KCNMA1: variants seen among roughly 807,000 people sequenced by gnomAD.
KCNMA1 encodes the protein potassium calcium-activated channel subfamily M alpha 1.
A neutral mutation model predicts 140.0 loss-of-function variants in KCNMA1; 29 were observed. The ratio of observed to expected loss-of-function variants is 0.21; its 90% CI spans 0.15 to 0.28. KCNMA1 has a LOEUF of 0.28. Ranked by LOEUF, KCNMA1 falls within the 10% of genes least tolerant of loss-of-function variation. The probability of loss-of-function intolerance (pLI) is 1.00; values close to 1 mark genes in which losing one functional copy is unlikely to be tolerated. For synonymous variants in KCNMA1, 612 were observed against 611.9 expected (o/e 1.00, Z 0.00); for missense variants, 880 against 1,602.2 (o/e 0.55, Z 7.70).
chr10:77,296,793 G>A (rs1206312500), intron 2 of KCNMA1, among the ~76,000 whole-genome samples: 1 of 151,536 alleles, frequency 6.6e-6, no homozygotes, highest in Non-Finnish European at 1.5e-5. Context: ...TCTAGCATGT[G>A]TCTGTCTCAT....
chr10:77,326,943 TG>T lies in KCNMA1; in HGVS notation c.541-75688del, dbSNP rs573390555. On this transcript the variant is annotated intron_variant, in intron 2 of 27. Coordinates refer to ENST00000286628, the MANE Select transcript of KCNMA1 (RefSeq NM_001161352.2). ...AAAGTGAGCCTACACTCCATCCATA[TG>T]GGTCATCCCTCCCCAGTATACCTGG... Among the ~76,000 whole-genome samples, 312 of 152,230 alleles carry T rather than the reference TG, an allele frequency of 2.0e-3. 1 individual carries two copies. The highest frequency in any genetic ancestry group is 7.0e-3 in the African/African-American group (292 of 41,538).
At chr10:77,411,945 C>T (rs1034700977) in intron 1 of KCNMA1, among the ~76,000 whole-genome samples, 2 of 152,248 alleles carry the variant, frequency 1.3e-5, no homozygotes, top group Non-Finnish European at 2.9e-5. Context: ...CTTCCTCCCT[C>T]GCCATGCGTA....
At chr10:76,959,035 T>C (rs766968375) in intron 20 of KCNMA1, among the ~76,000 whole-genome samples, 23 of 152,160 alleles carry the variant, frequency 1.5e-4, no homozygotes, top group Admixed American at 4.6e-4. Context: ...GACATATATA[T>C]GTAATACCCA....
At chr10:77,490,244 C>A (rs1304523450) in intron 1 of KCNMA1, among the ~76,000 whole-genome samples, 1 of 152,178 alleles carries the variant, frequency 6.6e-6, no homozygotes, top group African/African-American at 2.4e-5. Flanking sequence ...AAAGATTCCT[C>A]TTAAATATCC....
intron 1 of KCNMA1, among the ~76,000 whole-genome samples, chr10:77,613,374 A>T (rs1420597979): frequency 1.3e-5 from 2 of 152,142 alleles, no homozygotes; most frequent in Non-Finnish European, 2.9e-5. Flanking sequence ...TCTCCAATAC[A>T]CACAGTGCTT....
At chr10:77,090,827 C>T in intron 9 of KCNMA1, 1 of 428,868 alleles carries the variant, frequency 2.3e-6, no homozygotes, top group Admixed American at 3.5e-5. Context: ...TGCTTAAATG[C>T]TGCATTATCA....
At chr10:77,326,828 A>G (rs1249042408) in intron 2 of KCNMA1, among the ~76,000 whole-genome samples, 2 of 152,174 alleles carry the variant, frequency 1.3e-5, no homozygotes, top group Non-Finnish European at 2.9e-5. Flanking sequence ...TTAGCTATAA[A>G]TAAATGAGTT....
At chr10:77,630,803 T>C (rs1183507297) in intron 1 of KCNMA1, among the ~76,000 whole-genome samples, 1 of 151,938 alleles carries the variant, frequency 6.6e-6, no homozygotes, top group African/African-American at 2.4e-5. Context: ...CGGTGATTCC[T>C]GAGCATATTA....
At chr10:77,482,040 C>A (rs1363460437) in intron 1 of KCNMA1, among the ~76,000 whole-genome samples, 1 of 152,238 alleles carries the variant, frequency 6.6e-6, no homozygotes, top group East Asian at 1.9e-4. Context: ...ACGTGCCAAG[C>A]AGACAGTTCC....
intron 14 of KCNMA1, among the ~76,000 whole-genome samples, chr10:77,059,217 C>T (rs930151471): frequency 5.3e-5 from 8 of 151,540 alleles, no homozygotes; most frequent in Non-Finnish European, 1.2e-4. Context: ...TAAAAACTTT[C>T]AGAAAAGAAA....
intron 25 of KCNMA1, among the ~76,000 whole-genome samples, chr10:76,896,399 A>C (rs1029723311): frequency 3.3e-5 from 5 of 152,164 alleles, no homozygotes; most frequent in African/African-American, 1.2e-4. Flanking sequence ...CCTGTTCTTA[A>C]GGTGCCCAGA....
intron 3 of KCNMA1, among the ~76,000 whole-genome samples, chr10:77,241,416 G>A (rs185357192): frequency 1.4e-4 from 22 of 152,298 alleles, no homozygotes; most frequent in African/African-American, 5.3e-4. Context: ...AGCTGAGGTG[G>A]GAGGACTGCT....
intron 3 of KCNMA1, among the ~76,000 whole-genome samples, chr10:77,221,095 C>T (rs940470975): frequency 1.3e-5 from 2 of 152,156 alleles, no homozygotes; most frequent in South Asian, 2.1e-4. Flanking sequence ...TAGCCAAGTC[C>T]GTAGGGTCTT....
intron 14 of KCNMA1, among the ~76,000 whole-genome samples, chr10:77,069,165 C>A (rs1157454639): frequency 6.6e-6 from 1 of 152,142 alleles, no homozygotes; most frequent in East Asian, 1.9e-4. Context: ...TGGGTCTTTA[C>A]AGAAGACAGC....
chr10:76,896,216 A>G (rs1466860943), intron 25 of KCNMA1, among the ~76,000 whole-genome samples: 1 of 152,176 alleles, frequency 6.6e-6, no homozygotes, highest in African/African-American at 2.4e-5. Context: ...CCTCCTGGGA[A>G]TGCATTCTTT....
intron 5 of KCNMA1, among the ~76,000 whole-genome samples, chr10:77,166,287 A>G (rs1286647083): frequency 6.6e-6 from 1 of 152,202 alleles, no homozygotes; most frequent in African/African-American, 2.4e-5. Flanking sequence ...TTCGAGTTAT[A>G]GTATTTTACG....
At chr10:77,047,319 G>A (rs916842271) in intron 14 of KCNMA1, among the ~76,000 whole-genome samples, 1 of 152,170 alleles carries the variant, frequency 6.6e-6, no homozygotes, top group African/African-American at 2.4e-5. Context: ...TATCAAATGA[G>A]ATTTCTTCCA....
At position 77,196,980 on chromosome 10, in the gene KCNMA1, A is replaced by T. The variant is rs147309021; in HGVS notation, c.603-12064T>A. On this transcript the variant is annotated intron_variant, in intron 3 of 27. Transcript: ENST00000286628. The stretch of plus-strand genomic sequence containing the variant: ...AAAGAAGTATACAAGTTTAAAAAAA[A>T]TAAGGAAAAGAAAGCAGTTTTAAAG... Among the ~76,000 whole-genome samples, 729 of 152,346 alleles carry T rather than the reference A, an allele frequency of 4.8e-3. 6 individuals carry two copies. Among genetic ancestry groups the T allele is most frequent in the African/African-American group, 0.016 (655 of 41,598 alleles).
At chr10:77,605,761 G>A (rs1555498684) in intron 1 of KCNMA1, among the ~76,000 whole-genome samples, 1 of 152,218 alleles carries the variant, frequency 6.6e-6, no homozygotes, top group Non-Finnish European at 1.5e-5. Context: ...CAGGCTGGCT[G>A]ATACATGGCA....
Sources: gnomAD v4.1 joint callset for allele counts (sites outside exome capture counted in the v4.1 genomes callset) on GRCh38, gnomAD v4.1.1 for gene constraint, MANE v1.5 for transcripts, NCBI Gene and HGNC (gene_info 2026-07-23, HGNC 2026-07-21) for gene names.